PCDHA13: variants seen among roughly 807,000 people sequenced by gnomAD.
PCDHA13 encodes protocadherin alpha 13, also known as protocadherin alpha-13.
PCDHA13 carries 54 observed loss-of-function variants against 64.8 expected under a neutral mutation model. The ratio of observed to expected loss-of-function variants is 0.83; its 90% confidence interval spans 0.67 to 1.04. The LOEUF is 1.04. Among genes scored for constraint, PCDHA13 ranks in the 50% least tolerant of loss-of-function variants. PCDHA13 has a pLI of 0.00. For synonymous variants in PCDHA13, 587 were observed against 564.4 expected (o/e 1.04, Z -0.57); for missense variants, 1,248 against 1,254.3 (o/e 0.99, Z 0.08).
intron 1 of PCDHA13, among the ~76,000 whole-genome samples, chr5:140,949,544 T>C (rs981428881): frequency 5.3e-5 from 8 of 151,908 alleles, no homozygotes; most frequent in Non-Finnish European, 1.2e-4. Flanking sequence ...TATCGATTTG[T>C]TGCTGGTCAT....
intron 1 of PCDHA13, among the ~76,000 whole-genome samples, chr5:140,911,976 A>G (rs1270778875): frequency 6.6e-6 from 1 of 152,218 alleles, no homozygotes; most frequent in Non-Finnish European, 1.5e-5. Context: ...ATTAACTCAC[A>G]TGATCACAAG....
rs2098423512 is a variant in PCDHA13 at position 141,012,298 on chromosome 5, T to A, written c.*2361T>A. On this transcript the variant is annotated 3_prime_UTR_variant, in exon 4 of 4. Transcript: ENST00000289272. ...ATGTGGATTCATTTTGAATTGGTGC[T>A]ATTGGTATTTCCTCTGTTATTGCTA... is the stretch of plus-strand genomic sequence containing the variant. The A allele has an allele frequency of 6.5e-6, 1 of 153,804 alleles. No individual in the cohort carries two copies. Among genetic ancestry groups the A allele is most frequent in the Non-Finnish European group, 1.5e-5 (1 of 68,048 alleles). 9.5% of individuals were successfully genotyped at this position (153,804 alleles called of 1,614,324 possible). A position where few individuals can be genotyped will look rare whatever the true frequency, so the allele number is the denominator to read the frequency against.
At chr5:140,985,491 G>C (rs1288786153) in intron 3 of PCDHA13, among the ~76,000 whole-genome samples, 3 of 152,166 alleles carry the variant, frequency 2.0e-5, no homozygotes, top group African/African-American at 7.2e-5. Flanking sequence ...GACTCAAATA[G>C]AGCCTGCCTT....
Position 140,988,326 on chromosome 5 carries a change from G to A in PCDHA13, c.2542+5763G>A, listed in dbSNP as rs144904425. 8.4e-3 allele frequency among the ~76,000 whole-genome samples: 1,281 copies of A among 152,296 alleles called. 12 individuals carry two copies. The highest frequency in any genetic ancestry group is 0.014 in the Non-Finnish European group (960 of 68,020). ...CAGCTTGGCTTGGCTTTCTCTACCC[G>A]AGGAAAGTAAGTCCTTTTAAGATGC... On this transcript the variant is annotated intron_variant, in intron 3 of 3. Coordinates refer to ENST00000289272, the MANE Select transcript of PCDHA13 (RefSeq NM_018904.3).
At chr5:140,903,183 T>A (rs1392196705) in intron 1 of PCDHA13, among the ~76,000 whole-genome samples, 3 of 152,194 alleles carry the variant, frequency 2.0e-5, no homozygotes, top group Admixed American at 2.0e-4. Flanking sequence ...CCACCAATAG[T>A]ATAAAAGAGT....
chr5:140,902,657 T>G (rs1331790009), intron 1 of PCDHA13, among the ~76,000 whole-genome samples: 2 of 152,160 alleles, frequency 1.3e-5, no homozygotes, highest in Non-Finnish European at 2.9e-5. Context: ...GGTGCACCTG[T>G]CACCCAAGCA....
intron 1 of PCDHA13, among the ~76,000 whole-genome samples, chr5:140,912,160 C>T (rs1208125180): frequency 6.6e-6 from 1 of 152,134 alleles, no homozygotes. Context: ...TGTTTTTATT[C>T]TGGCTGTGCT....
chr5:140,888,487 ACT>A (rs1486157760), intron 1 of PCDHA13, among the ~76,000 whole-genome samples: 1 of 152,162 alleles, frequency 6.6e-6, no homozygotes, highest in Non-Finnish European at 1.5e-5. Flanking sequence ...CTGTTGAGAA[ACT>A]CTGCTTTAAA....
intron 1 of PCDHA13, among the ~76,000 whole-genome samples, chr5:140,935,536 G>C (rs2090424655): frequency 6.6e-6 from 1 of 152,104 alleles, no homozygotes; most frequent in Non-Finnish European, 1.5e-5. Context: ...TCAAATTATT[G>C]TGTTTTAAAG....
intron 1 of PCDHA13, among the ~76,000 whole-genome samples, chr5:140,964,284 A>C (rs190870993): frequency 6.6e-6 from 1 of 152,362 alleles, no homozygotes; most frequent in East Asian, 1.9e-4. Context: ...AGTAAATTCT[A>C]GCTGGAGCTA....
chr5:140,987,138 C>T (rs2097231368), intron 3 of PCDHA13, among the ~76,000 whole-genome samples: 1 of 151,182 alleles, frequency 6.6e-6, no homozygotes, highest in Non-Finnish European at 1.5e-5. Context: ...TGCTTGAACT[C>T]GGGAGGTGGA....
intron 1 of PCDHA13, chr5:140,966,981 TG>T (rs2096079365): frequency 1.2e-6 from 2 of 1,603,254 alleles, no homozygotes; most frequent in African/African-American, 2.7e-5. Flanking sequence ...CTGCGGCGCT[TG>T]GGGCCGGGTT....
At chr5:140,948,489 T>C (rs547481990) in intron 1 of PCDHA13, among the ~76,000 whole-genome samples, 6 of 151,790 alleles carry the variant, frequency 4.0e-5, no homozygotes, top group Admixed American at 3.3e-4. Context: ...TTCAATTTCT[T>C]TCATAGACTT....
chr5:140,937,151 C>T (rs1170352289), intron 1 of PCDHA13, among the ~76,000 whole-genome samples: 1 of 151,572 alleles, frequency 6.6e-6, no homozygotes, highest in African/African-American at 2.4e-5. Context: ...CATTCTCCTG[C>T]CTCAGCCTCC....
chr5:140,930,412 G>T (rs1327423423), intron 1 of PCDHA13: 1 of 148,866 alleles, frequency 6.7e-6, no homozygotes, highest in Non-Finnish European at 1.5e-5. Context: ...TTTTGAGACA[G>T]GGGTCTCACT....
At chr5:140,908,185 G>C (rs1399259532) in intron 1 of PCDHA13, among the ~76,000 whole-genome samples, 1 of 152,148 alleles carries the variant, frequency 6.6e-6, no homozygotes, top group East Asian at 1.9e-4. Flanking sequence ...TCCACTTTCA[G>C]GTGGTGGACA....
chr5:140,896,748 A>T (rs1554187100), intron 1 of PCDHA13, among the ~76,000 whole-genome samples: 1 of 151,856 alleles, frequency 6.6e-6, no homozygotes, highest in African/African-American at 2.4e-5. Context: ...TAGATTCTGG[A>T]TATTAGACCT....
chr5:140,927,796 C>T, intron 1 of PCDHA13: 1 of 1,614,202 alleles, frequency 6.2e-7, no homozygotes, highest in South Asian at 1.1e-5. Context: ...ACTAGGTCCG[C>T]CTGAAACGCT....
rs782467193 is a variant in PCDHA13, at chr5:140,884,498, G to A, written c.2230G>A (p.Ala744Thr). 8.1e-6 allele frequency: 13 copies of A among 1,613,958 alleles called. No homozygotes were observed. The Admixed American group carries it at 8.3e-5, about 10-fold the overall frequency. The change falls in exon 1 of 4, where the codon GCG becomes ACG. Residue 744 changes from alanine (A) to threonine (T), a missense_variant. Transcript: ENST00000289272. ...PGKPTLVCSS[A>T]AGSWSYSQQR... is the part of the protein sequence containing the mutation. ...CAAGCCCACTCTAGTGTGCTCCAGC[G>A]CGGCAGGGAGTTGGTCGTACTCGCA...
Sources: gnomAD v4.1 joint callset for allele counts (sites outside exome capture counted in the v4.1 genomes callset) on GRCh38, gnomAD v4.1.1 for gene constraint, MANE v1.5 for transcripts, NCBI Gene and HGNC (gene_info 2026-07-23, HGNC 2026-07-21) for gene names.